The following COL14A1 variants were observed in gnomAD, a reference collection of about 807,000 sequenced individuals.
The protein encoded by COL14A1 is collagen alpha-1(XIV) chain.
COL14A1 carries 136 observed loss-of-function variants against 230.3 expected under a neutral mutation model. That is an observed-to-expected ratio of 0.59 (90% CI 0.51 to 0.68). COL14A1 has a LOEUF of 0.68. Ranked by LOEUF, COL14A1 falls within the 30% of genes least tolerant of loss-of-function variation. COL14A1 has a pLI of 0.00. For synonymous variants in COL14A1, 792 were observed against 784.1 expected (o/e 1.01, Z -0.17); for missense variants, 1,976 against 2,215.8 (o/e 0.89, Z 2.17).
chr8:120,361,222 A>G (rs1823200360), intron 45 of COL14A1, among the ~76,000 whole-genome samples: 1 of 152,174 alleles, frequency 6.6e-6, no homozygotes, highest in Non-Finnish European at 1.5e-5. Context: ...TGAAAGATCT[A>G]GAGTGGTTTG....
intron 40 of COL14A1, among the ~76,000 whole-genome samples, chr8:120,321,767 A>G (rs775358930): frequency 2.0e-5 from 3 of 152,158 alleles, no homozygotes; most frequent in Admixed American, 6.5e-5. Flanking sequence ...TGCATTTTAT[A>G]TTGGTAAACC....
rs771681479 is a variant in COL14A1, at chr8:120,147,867, C to A, written c.25C>A (p.Arg9=). The A allele has an allele frequency of 6.2e-7, 1 of 1,613,636 alleles. No homozygotes were observed. Among genetic ancestry groups the A allele is most frequent in the Non-Finnish European group, 8.5e-7 (1 of 1,179,746 alleles). The change falls in exon 2 of 48, where the codon CGG becomes AGG. Residue 9 remains arginine (R), a synonymous_variant. Transcript: ENST00000297848. MKIFQRKM[R]YWLLPPFLAI... is the part of the protein sequence containing the mutation. ...AATGAAGATTTTCCAGCGCAAGATG[C>A]GGTACTGGTTGCTTCCACCTTTTTT...
At position 120,297,582 on chromosome 8, in the gene COL14A1, A is replaced by G. The variant is rs773915364; in HGVS notation, c.4308A>G (p.Pro1436=). The G allele has an allele frequency of 2.2e-6, 3 of 1,388,662 alleles. No homozygotes were observed. The highest frequency in any genetic ancestry group is 2.8e-6 in the Non-Finnish European group (3 of 1,063,980). 86.0% of individuals were successfully genotyped at this position (1,388,662 alleles called of 1,614,324 possible). A position where few individuals can be genotyped will look rare whatever the true frequency, so the allele number is the denominator to read the frequency against. ...WANTDKCCEL[P]GLRDDESCPD... is the part of the protein sequence containing the mutation. ...ATACAGACAAATGCTGTGAACTTCC[A>G]GGCCTGGTAAGAATTCTTCCTTCAT... Residue 1436 remains proline (P), a synonymous_variant, in exon 35 of 48, where the codon CCA becomes CCG. Coordinates refer to ENST00000297848, the MANE Select transcript of COL14A1 (RefSeq NM_021110.4).
intron 46 of COL14A1, among the ~76,000 whole-genome samples, chr8:120,368,606 C>CA (rs11342918): frequency 0.028 from 3,299 of 118,434 alleles, 68 homozygotes; most frequent in Middle Eastern, 0.062. Flanking sequence ...GCATACAAGC[C>CA]AAAAAAAAAA....
At position 120,231,555 on chromosome 8, in the gene COL14A1, G is replaced by A; in HGVS notation, c.2286G>A (p.Val762=). ...AATGGGACATTTCTGACAGCGATGT[G>A]CAGCAGTTTAGGGTGACCTACATGA... ...RVKWDISDSD[V]QQFRVTYMTA... is the part of the protein sequence containing the mutation. Residue 762 remains valine (V), a synonymous_variant, in exon 19 of 48, where the codon GTG becomes GTA. Coordinates refer to ENST00000297848, the MANE Select transcript of COL14A1 (RefSeq NM_021110.4). 6.2e-7 allele frequency: 1 copy of A among 1,614,046 alleles called. No individual in the cohort carries two copies. Among genetic ancestry groups the A allele is most frequent in the Non-Finnish European group, 8.5e-7 (1 of 1,180,002 alleles).
chr8:120,300,609 T>C, intron 35 of COL14A1, 123 bp from the exon 36 acceptor site: 1 of 733,602 alleles, frequency 1.4e-6, no homozygotes, highest in Non-Finnish European at 2.3e-6. Flanking sequence ...GAATATTCTC[T>C]GCCTTTCTAA....
At chr8:120,346,980 C>A (rs1411639441) in intron 45 of COL14A1, among the ~76,000 whole-genome samples, 3 of 152,166 alleles carry the variant, frequency 2.0e-5, no homozygotes, top group Non-Finnish European at 4.4e-5. Context: ...AAAATGGCAT[C>A]ATTCCCTCAC....
At position 120,212,556 on chromosome 8, in the gene COL14A1, G is replaced by C. The variant is rs768571232; in HGVS notation, c.1576G>C (p.Val526Leu). 1 of 1,613,554 alleles carries C rather than the reference G, an allele frequency of 6.2e-7. No individual in the cohort carries two copies. Among genetic ancestry groups the C allele is most frequent in the South Asian group, 1.1e-5 (1 of 91,076 alleles). ...GTTTGGAGAAGAGGCCAGTGATCCT[G>C]TTACGGGACAAGAAACAACATGTGA... is the stretch of plus-strand genomic sequence containing the variant. Reference protein sequence around the residue: ...AMFGEEASDPVTGQETTLALS... With the variant: ...AMFGEEASDPLTGQETTLALS... Residue 526 changes from valine (V) to leucine (L), a missense_variant, in exon 13 of 48, where the codon GTT becomes CTT. Val to Leu is a conservative substitution (Grantham distance 32). Around this residue, in one of 3 missense-constraint regions of COL14A1, gnomAD observed 1,791 missense variants for 2,019.5 expected, o/e 0.89. Transcript: ENST00000297848.
chr8:120,266,770 C>T lies in COL14A1; in HGVS notation c.3017-57C>T, dbSNP rs186280809. The T allele has an allele frequency of 4.3e-3, 6,063 of 1,398,762 alleles. 33 individuals carry two copies. Among genetic ancestry groups the T allele is most frequent in the Middle Eastern group, 8.7e-3 (49 of 5,646 alleles). 86.6% of individuals were successfully genotyped at this position (1,398,762 alleles called of 1,614,324 possible). A position where few individuals can be genotyped will look rare whatever the true frequency, so the allele number is the denominator to read the frequency against. On this transcript the variant is annotated intron_variant, in intron 24 of 47. Coordinates refer to ENST00000297848, the MANE Select transcript of COL14A1 (RefSeq NM_021110.4). Reference sequence around the variant, plus strand: ...GAATATTTATTACTCCATGACCTTCCGCTCTTCCCCACAGATGAGATGGTG... The same window carrying T: ...GAATATTTATTACTCCATGACCTTCTGCTCTTCCCCACAGATGAGATGGTG...
intron 40 of COL14A1, among the ~76,000 whole-genome samples, chr8:120,330,293 T>G (rs1434253360): frequency 2.0e-5 from 3 of 152,152 alleles, no homozygotes; most frequent in African/African-American, 7.2e-5. Context: ...TGCTGACCAG[T>G]GTTTCTCCTC....
chr8:120,168,838 A>G (rs1370093312), intron 5 of COL14A1, among the ~76,000 whole-genome samples: 1 of 152,056 alleles, frequency 6.6e-6, no homozygotes, highest in Non-Finnish European at 1.5e-5. Context: ...AGACTATTAT[A>G]ATTTATTGAT....
In COL14A1 at chr8:120,168,801, T is replaced by C. The variant is rs115294641; in HGVS notation, c.436+554T>C. On this transcript the variant is annotated intron_variant, in intron 5 of 47. Transcript: ENST00000297848. ...TATTGTTAGTCTACCTCATTCTTTT[T>C]AATAGCCAGATAGTGTTCTATGGGA... Among the ~76,000 whole-genome samples the C allele has an allele frequency of 5.4e-3, 821 of 152,292 alleles. 7 individuals are homozygous for C. The highest frequency in any genetic ancestry group is 0.018 in the African/African-American group (744 of 41,574).
intron 32 of COL14A1, among the ~76,000 whole-genome samples, chr8:120,284,885 G>C (rs147565655): frequency 4.6e-4 from 70 of 152,210 alleles, no homozygotes; most frequent in African/African-American, 1.5e-3. Context: ...CACAAGGTTA[G>C]TAATGCTTTG....
intron 24 of COL14A1, among the ~76,000 whole-genome samples, chr8:120,264,166 A>G (rs1563704614): frequency 6.6e-6 from 1 of 152,108 alleles, no homozygotes; most frequent in African/African-American, 2.4e-5. Flanking sequence ...TTCTTTTATT[A>G]TACATTTGCC....
intron 4 of COL14A1, among the ~76,000 whole-genome samples, chr8:120,164,100 A>T (rs115698005): frequency 0.019 from 2,882 of 152,258 alleles, 94 homozygotes; most frequent in African/African-American, 0.064. Flanking sequence ...CTTTTAAAAA[A>T]CCCAATTTAT....
Position 120,372,609 on chromosome 8 carries a change from A to G in COL14A1, c.*1378A>G, listed in dbSNP as rs1486840740. ...AGTAGGGATGGGATCATTTACAACT[A>G]GAAGCTGGATTCTTTCTGGATCAGG... On this transcript the variant is annotated 3_prime_UTR_variant, in exon 48 of 48. Coordinates refer to ENST00000297848, the MANE Select transcript of COL14A1 (RefSeq NM_021110.4). Among the ~76,000 whole-genome samples, 1 of 152,192 alleles carries G rather than the reference A, an allele frequency of 6.6e-6. No homozygotes were observed. The highest frequency in any genetic ancestry group is 1.5e-5 in the Non-Finnish European group (1 of 68,034).
intron 2 of COL14A1, among the ~76,000 whole-genome samples, chr8:120,148,657 C>T (rs1815175849): frequency 6.6e-6 from 1 of 152,094 alleles, no homozygotes; most frequent in African/African-American, 2.4e-5. Flanking sequence ...TCATTTCATA[C>T]CTGGTCCTTG....
chr8:120,362,906 G>A (rs4574886), intron 45 of COL14A1, among the ~76,000 whole-genome samples: 4 of 152,084 alleles, frequency 2.6e-5, no homozygotes, highest in Non-Finnish European at 4.4e-5. Flanking sequence ...TCATATTTTT[G>A]CTAAGTTAGA....
chr8:120,222,639 C>T (rs1187642054), intron 14 of COL14A1, among the ~76,000 whole-genome samples: 6 of 152,140 alleles, frequency 3.9e-5, no homozygotes, highest in South Asian at 2.1e-4. Flanking sequence ...GACCTACAGA[C>T]GTGTAGATTC....
Sources: gnomAD v4.1 joint callset for allele counts (sites outside exome capture counted in the v4.1 genomes callset) on GRCh38, gnomAD v4.1.1 for gene constraint, gnomAD v4.1.1 regional missense constraint, MANE v1.5 for transcripts, NCBI Gene and HGNC (gene_info 2026-07-23, HGNC 2026-07-21) for gene names.